ARAP2: variants seen among roughly 807,000 people sequenced by gnomAD.
ARAP2 encodes the protein ArfGAP with RhoGAP domain, ankyrin repeat and PH domain 2.
A neutral mutation model predicts 194.5 loss-of-function variants in ARAP2; 148 were observed. That is an observed-to-expected ratio of 0.76 (90% CI 0.67 to 0.87). The LOEUF (loss-of-function observed/expected upper bound fraction) is 0.87, where lower values mean the gene tolerates loss of function less well. Ranked by LOEUF, ARAP2 falls within the 40% of genes least tolerant of loss-of-function variation. The probability of loss-of-function intolerance (pLI) is 0.00; values close to 1 mark genes in which losing one functional copy is unlikely to be tolerated. For synonymous variants in ARAP2, 695 were observed against 683.5 expected, an observed-to-expected ratio of 1.02 and a Z score of -0.26; for missense variants, 2,128 against 1,989.7, an observed-to-expected ratio of 1.07 and a Z score of -1.32.
intron 27 of ARAP2, among the ~76,000 whole-genome samples, chr4:36,101,987 C>CCCTT (rs1553901597): frequency 6.6e-6 from 1 of 151,690 alleles, no homozygotes; most frequent in African/African-American, 2.4e-5. Flanking sequence ...TGGCATTGCT[C>CCCTT]TCTTTCTTGA....
At chr4:36,150,817 TA>T (rs1730790525) in intron 16 of ARAP2, 82 bp downstream of exon 16, 3 of 1,457,940 alleles carry the variant, frequency 2.1e-6, no homozygotes, top group East Asian at 2.3e-5. Flanking sequence ...ACTAAAGAAC[TA>T]AAATGATAAC....
At chr4:36,112,654 C>T (rs1266814492) in intron 26 of ARAP2, among the ~76,000 whole-genome samples, 1 of 151,452 alleles carries the variant, frequency 6.6e-6, no homozygotes, top group African/African-American at 2.4e-5. Flanking sequence ...GATTTTATGG[C>T]TCCTATATAC....
intron 1 of ARAP2, chr4:36,243,846 T>C (rs1345686251): frequency 6.6e-6 from 1 of 152,132 alleles, no homozygotes; most frequent in Non-Finnish European, 1.5e-5. Context: ...CTCTACCGAG[T>C]AAATAACTTG....
chr4:36,026,639 A>G (rs1006069641), intron 5 of ARAP2, among the ~76,000 whole-genome samples: 1 of 152,178 alleles, frequency 6.6e-6, no homozygotes, highest in Admixed American at 6.6e-5. Flanking sequence ...TGCCTCTAGG[A>G]GCCTGAAGTT....
intron 32 of ARAP2, among the ~76,000 whole-genome samples, chr4:36,071,727 T>G (rs1217493510): frequency 6.6e-6 from 1 of 151,478 alleles, no homozygotes; most frequent in African/African-American, 2.4e-5. Flanking sequence ...TACTTTAAGT[T>G]TTAGGGTACA....
At chr4:36,065,083 GT>G, downstream of ARAP2, 1 of 206,360 alleles carries the variant, frequency 4.8e-6, no homozygotes, top group Admixed American at 5.0e-5. Context: ...CAGAGTTGAG[GT>G]CCCCAGACTT....
At chr4:36,150,854 A>G (rs990484386) in intron 16 of ARAP2, 46 bp downstream of exon 16, 1 of 1,570,512 alleles carries the variant, frequency 6.4e-7, no homozygotes, top group Non-Finnish European at 8.7e-7. Context: ...TGTTATAATT[A>G]TCTGAAAATA....
intron 6 of ARAP2, among the ~76,000 whole-genome samples, chr4:36,207,592 C>T (rs1032197860): frequency 5.9e-5 from 9 of 152,140 alleles, no homozygotes; most frequent in African/African-American, 2.2e-4. Context: ...AGTAAATAGA[C>T]AACCATGCGA....
At chr4:36,212,801 T>C (rs1384341081) in intron 4 of ARAP2, among the ~76,000 whole-genome samples, 1 of 152,024 alleles carries the variant, frequency 6.6e-6, no homozygotes, top group East Asian at 1.9e-4. Context: ...ACTTCTCTTT[T>C]ATCAAGACCA....
At chr4:36,178,447 C>T (rs1348719710) in intron 8 of ARAP2, among the ~76,000 whole-genome samples, 1 of 152,100 alleles carries the variant, frequency 6.6e-6, no homozygotes, top group Non-Finnish European at 1.5e-5. Context: ...ACTCAAAGAC[C>T]CCGAAAATCC....
At chr4:36,196,359 C>A (rs896667372) in intron 6 of ARAP2, among the ~76,000 whole-genome samples, 1 of 152,104 alleles carries the variant, frequency 6.6e-6, no homozygotes, top group Admixed American at 6.5e-5. Context: ...AAGGATCAGT[C>A]GAAGATGCAG....
chr4:36,092,306 T>G (rs1287692442), intron 27 of ARAP2, among the ~76,000 whole-genome samples: 1 of 152,112 alleles, frequency 6.6e-6, no homozygotes, highest in Non-Finnish European at 1.5e-5. Flanking sequence ...TTTTAAAGAC[T>G]TTATATGAAA....
In ARAP2 at chr4:36,159,380, T is replaced by C. The variant is rs141227936; in HGVS notation, c.2568A>G (p.Lys856=). Residue 856 remains lysine, a synonymous_variant, in exon 14 of 33, where the codon AAA becomes AAG. Coordinates refer to ENST00000303965, the MANE Select transcript of ARAP2 (RefSeq NM_015230.4). ...VHSTPYLLAK[K]AGQSLQMEFL... The stretch of plus-strand genomic sequence containing the variant: ...ATTCCATTTGCAGACTTTGCCCAGC[T>C]TTCTTGGCTAGCAGATAGGGGGTGC... 8.7e-6 allele frequency: 14 copies of C among 1,610,014 alleles called. No homozygotes were observed. Among genetic ancestry groups the C allele is most frequent in the East Asian group, 2.2e-5 (1 of 44,748 alleles).
chr4:36,024,454 C>CT (rs1211183788), intron 5 of ARAP2, among the ~76,000 whole-genome samples: 1 of 152,082 alleles, frequency 6.6e-6, no homozygotes, highest in Non-Finnish European at 1.5e-5. Context: ...ATGCTAGGTA[C>CT]TTTGTTCAGC....
At chr4:36,201,578 C>T (rs1302511540) in intron 6 of ARAP2, among the ~76,000 whole-genome samples, 2 of 152,146 alleles carry the variant, frequency 1.3e-5, no homozygotes, top group Non-Finnish European at 2.9e-5. Context: ...TTTCTATAAA[C>T]TCTTCCCTTG....
intron 32 of ARAP2, among the ~76,000 whole-genome samples, chr4:36,072,023 G>A (rs923737123): frequency 4.6e-5 from 7 of 151,664 alleles, no homozygotes; most frequent in African/African-American, 4.8e-5. Flanking sequence ...GTCAAAAATG[G>A]TTAGTTATTT....
At chr4:36,121,413 C>T in intron 22 of ARAP2, 87 bp from the exon 23 acceptor site, 2 of 1,239,288 alleles carry the variant, frequency 1.6e-6, no homozygotes, top group Non-Finnish European at 2.2e-6. Context: ...TTTTTAAACA[C>T]AGCAATATTG....
At chr4:36,203,984 AAG>A (rs1434858930) in intron 6 of ARAP2, among the ~76,000 whole-genome samples, 1 of 152,198 alleles carries the variant, frequency 6.6e-6, no homozygotes, top group Admixed American at 6.5e-5. Context: ...ATGCCATAAA[AAG>A]AACAGTCAAA....
At chr4:36,087,426 T>C (rs1712187206) in intron 28 of ARAP2, among the ~76,000 whole-genome samples, 1 of 152,104 alleles carries the variant, frequency 6.6e-6, no homozygotes, top group African/African-American at 2.4e-5. Flanking sequence ...GTCACTGTTA[T>C]TAAAAAATGT....
Sources: gnomAD v4.1 joint callset for allele counts (sites outside exome capture counted in the v4.1 genomes callset) on GRCh38, gnomAD v4.1.1 for gene constraint, MANE v1.5 for transcripts, NCBI Gene and HGNC (gene_info 2026-07-23, HGNC 2026-07-21) for gene names.